Variants in DISP1 observed in about 807,000 individuals in gnomAD.
DISP1 encodes the protein dispatched RND transporter family member 1, also known as protein dispatched homolog 1.
A neutral mutation model predicts 37.3 loss-of-function variants in DISP1; 30 were observed. The observed-to-expected ratio is 0.80, with a 90% CI of 0.60 to 1.09. DISP1 has a LOEUF of 1.09. DISP1 is among the 50% of genes least tolerant of loss of function. The pLI is 0.00. For synonymous variants in DISP1, 634 were observed against 690.2 expected (o/e 0.92, Z 1.28); for missense variants, 1,598 against 1,879.5 (o/e 0.85, Z 2.77).
At chr1:222,966,874 C>A (rs1450908858) in intron 3 of DISP1, among the ~76,000 whole-genome samples, 1 of 152,138 alleles carries the variant, frequency 6.6e-6, no homozygotes, top group Non-Finnish European at 1.5e-5. Context: ...CCCCCACCAC[C>A]AATCTTAAAA....
At chr1:222,933,768 TAAAAA>T (rs570914653) in intron 2 of DISP1, among the ~76,000 whole-genome samples, 111 of 152,060 alleles carry the variant, frequency 7.3e-4, no homozygotes, top group African/African-American at 2.6e-3. Flanking sequence ...TTTACAAACT[TAAAAA>T]TAAGAAAATG....
intron 1 of DISP1, among the ~76,000 whole-genome samples, chr1:222,822,482 T>C (rs1040024720): frequency 6.6e-6 from 1 of 152,198 alleles, no homozygotes; most frequent in African/African-American, 2.4e-5. Flanking sequence ...GACAGAGGCT[T>C]TTGAGGGAAG....
rs559863038 is a variant in DISP1, at chr1:222,822,783, T to C, written c.-159+7705T>C. On this transcript the variant is annotated intron_variant, in intron 1 of 8. Transcript: ENST00000675850. ...CAGAGTGAGTGGTGTGATCATTATA[T>C]TTGTTCCATAGCCTTTGCTGCACAC... Among the ~76,000 whole-genome samples the C allele has an allele frequency of 3.9e-5, 6 of 152,382 alleles. No homozygotes were observed. In the East Asian group the frequency reaches 1.2e-3, roughly 29 times the overall value.
chr1:222,819,855 A>G (rs1241414990), intron 1 of DISP1, among the ~76,000 whole-genome samples: 2 of 151,426 alleles, frequency 1.3e-5, no homozygotes, highest in African/African-American at 4.9e-5. Context: ...TGTTGTATAT[A>G]TATTTTTAAT....
intron 1 of DISP1, among the ~76,000 whole-genome samples, chr1:222,925,654 A>T (rs1673038959): frequency 6.6e-6 from 1 of 152,126 alleles, no homozygotes; most frequent in South Asian, 2.1e-4. Context: ...ACAGAGATGA[A>T]AGTTACCTTT....
chr1:222,823,634 A>G (rs1663524559), intron 1 of DISP1, among the ~76,000 whole-genome samples: 1 of 152,206 alleles, frequency 6.6e-6, no homozygotes, highest in African/African-American at 2.4e-5. Flanking sequence ...TATCCATGTA[A>G]CAAAACTGCA....
chr1:222,966,757 A>G (rs192015582), intron 3 of DISP1, among the ~76,000 whole-genome samples: 3 of 152,300 alleles, frequency 2.0e-5, no homozygotes, highest in African/African-American at 7.2e-5. Context: ...AGATGTGTAC[A>G]TATGTAAAAA....
At chr1:222,839,930 CA>C (rs113532897) in intron 1 of DISP1, among the ~76,000 whole-genome samples, 63,566 of 145,346 alleles carry the variant, frequency 0.44, 13,743 homozygotes, top group Middle Eastern at 0.53. Flanking sequence ...AAGACTGTCT[CA>C]AAAAAAAAAA....
rs1429255026 is a variant in DISP1 at position 222,892,015 on chromosome 1, G to A, written c.-158-36415G>A. ...ATGGGGGTGGGGAGAGGAGAGGAGAGGAGGGAGTGATACCTTACATAAAGA... is the reference window on the plus strand; with the variant it reads ...ATGGGGGTGGGGAGAGGAGAGGAGAAGAGGGAGTGATACCTTACATAAAGA... On this transcript the variant is annotated intron_variant, in intron 1 of 8. Coordinates refer to ENST00000675850, the MANE Select transcript of DISP1 (RefSeq NM_001377229.1). Among the ~76,000 whole-genome samples the A allele has an allele frequency of 4.6e-5, 7 of 151,814 alleles. No individual in the cohort carries two copies. The South Asian group carries it at 1.2e-3, about 27-fold the overall frequency.
intron 3 of DISP1, among the ~76,000 whole-genome samples, chr1:222,951,621 G>T (rs373339419): frequency 2.0e-5 from 3 of 152,322 alleles, no homozygotes; most frequent in South Asian, 4.1e-4. Context: ...ATCACCCAGA[G>T]TCCATTCAAA....
chr1:222,986,258 G>C (rs1678268698), intron 4 of DISP1, among the ~76,000 whole-genome samples: 1 of 151,752 alleles, frequency 6.6e-6, no homozygotes, highest in African/African-American at 2.4e-5. Context: ...CTGCTCAGAG[G>C]GAAGAGAAAA....
intron 1 of DISP1, among the ~76,000 whole-genome samples, chr1:222,916,623 T>A (rs1460292373): frequency 6.6e-6 from 1 of 152,248 alleles, no homozygotes; most frequent in Non-Finnish European, 1.5e-5. Context: ...TTCTAATGTA[T>A]GTCATTTATA....
intron 3 of DISP1, among the ~76,000 whole-genome samples, chr1:222,949,988 C>T (rs1214385757): frequency 6.6e-6 from 1 of 152,160 alleles, no homozygotes; most frequent in Non-Finnish European, 1.5e-5. Context: ...AGACTTATAC[C>T]AACAAGTCCT....
At chr1:222,844,956 A>G (rs1437107440) in intron 1 of DISP1, among the ~76,000 whole-genome samples, 2 of 152,052 alleles carry the variant, frequency 1.3e-5, no homozygotes, top group Non-Finnish European at 2.9e-5. Flanking sequence ...AAAACTTCAA[A>G]CTCAACATTT....
chr1:222,937,973 A>T (rs1470116889), intron 2 of DISP1, among the ~76,000 whole-genome samples: 3 of 152,084 alleles, frequency 2.0e-5, no homozygotes, highest in Non-Finnish European at 4.4e-5. Context: ...TCTTGGGCTC[A>T]AGTGATCCTC....
At chr1:222,894,075 TCTGA>T (rs952955873) in intron 1 of DISP1, among the ~76,000 whole-genome samples, 14 of 152,142 alleles carry the variant, frequency 9.2e-5, no homozygotes, top group African/African-American at 3.4e-4. Flanking sequence ...TCTGTGTGAA[TCTGA>T]CTGGGTGGGT....
At chr1:222,869,835 A>T (rs1322125301) in intron 1 of DISP1, among the ~76,000 whole-genome samples, 1 of 152,052 alleles carries the variant, frequency 6.6e-6, no homozygotes, top group African/African-American at 2.4e-5. Context: ...CATGTGCACA[A>T]CGTGCAGGTT....
At chr1:222,931,764 G>C (rs1395976494) in intron 2 of DISP1, among the ~76,000 whole-genome samples, 1 of 150,852 alleles carries the variant, frequency 6.6e-6, no homozygotes, top group Non-Finnish European at 1.5e-5. Flanking sequence ...TCATTTTAGA[G>C]ACTGACCAGA....
intron 1 of DISP1, among the ~76,000 whole-genome samples, chr1:222,875,443 GCTTTTTTC>G (rs1669906383): frequency 6.6e-6 from 1 of 151,584 alleles, no homozygotes; most frequent in Non-Finnish European, 1.5e-5. Context: ...TCTTATTTTG[GCTTTTTTC>G]CCCCCTTTTA....
Sources: gnomAD v4.1 joint callset for allele counts (sites outside exome capture counted in the v4.1 genomes callset) on GRCh38, gnomAD v4.1.1 for gene constraint, MANE v1.5 for transcripts, NCBI Gene and HGNC (gene_info 2026-07-23, HGNC 2026-07-21) for gene names.